Variants in PPFIA2 observed in about 807,000 individuals in gnomAD.
PPFIA2 encodes PPFI scaffold protein A2.
Under a neutral mutation model 175.5 loss-of-function variants are expected in PPFIA2, and 46 were observed. That is an observed-to-expected ratio of 0.26 (90% CI 0.21 to 0.34). The LOEUF (loss-of-function observed/expected upper bound fraction) is 0.34. Among genes scored for constraint, PPFIA2 ranks in the 10% least tolerant of loss-of-function variants. The pLI is 1.00. For missense variants in PPFIA2, 1,179 were observed against 1,506.1 expected, an observed-to-expected ratio of 0.78 and a Z score of 3.60; for synonymous variants, 568 against 511.4, an observed-to-expected ratio of 1.11 and a Z score of -1.49.
intron 4 of PPFIA2, among the ~76,000 whole-genome samples, chr12:81,664,034 A>C (rs1019784250): frequency 6.6e-5 from 10 of 152,202 alleles, no homozygotes; most frequent in African/African-American, 1.7e-4. Flanking sequence ...ATACAAAAAT[A>C]AATTCAACAT....
chr12:81,593,782 CT>C (rs1214243711), intron 4 of PPFIA2, among the ~76,000 whole-genome samples: 6 of 152,220 alleles, frequency 3.9e-5, no homozygotes, highest in South Asian at 4.1e-4. Context: ...ATGCAAACAA[CT>C]TTTTTAGGAA....
intron 4 of PPFIA2, among the ~76,000 whole-genome samples, chr12:81,667,809 G>A (rs2070642050): frequency 6.6e-6 from 1 of 151,928 alleles, no homozygotes; most frequent in Non-Finnish European, 1.5e-5. Context: ...CAAAATTTAA[G>A]TTACTTATTT....
chr12:81,539,543 C>T (rs1014018052), intron 4 of PPFIA2, among the ~76,000 whole-genome samples: 10 of 151,968 alleles, frequency 6.6e-5, no homozygotes, highest in Non-Finnish European at 1.0e-4. Flanking sequence ...AAACCTCTTA[C>T]CCCACCCATG....
Position 81,635,503 on chromosome 12 carries a change from C to G in PPFIA2, c.303+41288G>C, listed in dbSNP as rs534833892. 2.0e-5 allele frequency among the ~76,000 whole-genome samples: 3 copies of G among 152,264 alleles called. No individual in the cohort carries two copies. In the East Asian group the frequency reaches 5.8e-4, roughly 29 times the overall value. On this transcript the variant is annotated intron_variant, in intron 4 of 32. Coordinates refer to ENST00000549396, the MANE Select transcript of PPFIA2 (RefSeq NM_003625.5). ...GTGCAAGAATGTCTGTAGCCTCAACCAGGAAATCATGAAATGACCTCACAC... is the reference window on the plus strand; with the variant it reads ...GTGCAAGAATGTCTGTAGCCTCAACGAGGAAATCATGAAATGACCTCACAC...
chr12:81,277,654 C>A (rs1013697021), intron 27 of PPFIA2, among the ~76,000 whole-genome samples: 2 of 152,098 alleles, frequency 1.3e-5, no homozygotes, highest in African/African-American at 4.8e-5. Context: ...GTTTTAAAAT[C>A]ATCATGGATT....
intron 3 of PPFIA2, among the ~76,000 whole-genome samples, chr12:81,711,350 AC>A (rs997310451): frequency 3.3e-5 from 5 of 151,484 alleles, no homozygotes; most frequent in African/African-American, 1.2e-4. Flanking sequence ...ACACACATAC[AC>A]ATAGAAACAC....
At chr12:81,309,527 AT>A (rs2050196984) in intron 22 of PPFIA2, among the ~76,000 whole-genome samples, 1 of 152,112 alleles carries the variant, frequency 6.6e-6, no homozygotes, top group Admixed American at 6.5e-5. Flanking sequence ...GATTTTGTGT[AT>A]GTGCAAGTGC....
intron 4 of PPFIA2, among the ~76,000 whole-genome samples, chr12:81,482,824 G>A (rs2058392893): frequency 6.6e-6 from 1 of 151,974 alleles, no homozygotes; most frequent in Non-Finnish European, 1.5e-5. Context: ...AACCACCATG[G>A]CACATGTGTA....
At chr12:81,751,948 T>C (rs940278707) in intron 3 of PPFIA2, among the ~76,000 whole-genome samples, 1 of 152,136 alleles carries the variant, frequency 6.6e-6, no homozygotes, top group African/African-American at 2.4e-5. Context: ...CATTTAAAAA[T>C]CCAAATTACT....
intron 3 of PPFIA2, among the ~76,000 whole-genome samples, chr12:81,688,794 G>A (rs10082748): frequency 0.014 from 1,020 of 72,464 alleles, 10 homozygotes; most frequent in African/African-American, 0.053. Context: ...AGGGCAAGTG[G>A]TTTATTAAAT....
chr12:81,510,929 C>T lies in PPFIA2; in HGVS notation c.304-53063G>A, dbSNP rs1374302072. The stretch of plus-strand genomic sequence containing the variant: ...GGCTGATGTGCAACTAATTAGAAAA[C>T]ATTCTAATTAGTTTTCTTTATAGTT... On this transcript the variant is annotated intron_variant, in intron 4 of 32. Coordinates refer to ENST00000549396, the MANE Select transcript of PPFIA2 (RefSeq NM_003625.5). Among the ~76,000 whole-genome samples the T allele has an allele frequency of 2.6e-5, 4 of 152,118 alleles. No homozygotes were observed. In the South Asian group the frequency reaches 6.2e-4, roughly 24 times the overall value.
chr12:81,642,806 TGTATTAC>T (rs2065450409), intron 4 of PPFIA2, among the ~76,000 whole-genome samples: 2 of 25,994 alleles, frequency 7.7e-5, no homozygotes, highest in African/African-American at 4.0e-4. Flanking sequence ...TATGTATGTA[TGTATTAC>T]ATACATGTAT....
chr12:81,542,713 C>A (rs541916612), intron 4 of PPFIA2, among the ~76,000 whole-genome samples: 3 of 152,088 alleles, frequency 2.0e-5, no homozygotes, highest in Admixed American at 2.0e-4. Flanking sequence ...TTTCTATGTT[C>A]CTTTGAGATA....
intron 7 of PPFIA2, among the ~76,000 whole-genome samples, chr12:81,428,814 G>A (rs1427987076): frequency 1.3e-5 from 2 of 151,938 alleles, no homozygotes; most frequent in Admixed American, 6.6e-5. Context: ...CCCAATAAGT[G>A]GGTCTTTTGG....
At chr12:81,416,644 C>A (rs1484457134) in intron 7 of PPFIA2, among the ~76,000 whole-genome samples, 1 of 151,790 alleles carries the variant, frequency 6.6e-6, no homozygotes, top group African/African-American at 2.4e-5. Context: ...CTTCTTTGTA[C>A]AGAATGGAGG....
intron 4 of PPFIA2, 95 bp downstream of exon 4, chr12:81,676,696 C>A: frequency 2.5e-6 from 2 of 793,478 alleles, no homozygotes; most frequent in Non-Finnish European, 1.8e-6. Flanking sequence ...AAAGTACCTG[C>A]ATATGACAAA....
At chr12:81,401,471 C>T (rs1157624498) in intron 8 of PPFIA2, among the ~76,000 whole-genome samples, 1 of 152,174 alleles carries the variant, frequency 6.6e-6, no homozygotes, top group African/African-American at 2.4e-5. Context: ...CATTGCCTCT[C>T]TGACACCCCT....
chr12:81,278,893 C>T (rs1196094672), intron 27 of PPFIA2, among the ~76,000 whole-genome samples: 2 of 152,172 alleles, frequency 1.3e-5, no homozygotes, highest in Non-Finnish European at 2.9e-5. Context: ...TTGCTAGATG[C>T]ATTTCTAAGC....
rs2041968461 is a variant in PPFIA2, at chr12:81,400,746, C to G, written c.762+5041G>C. Among the ~76,000 whole-genome samples, 3 of 152,102 alleles carry G rather than the reference C, an allele frequency of 2.0e-5. No individual in the cohort carries two copies. In the South Asian group the frequency reaches 6.2e-4, roughly 31 times the overall value. On this transcript the variant is annotated intron_variant, in intron 8 of 32. Coordinates refer to ENST00000549396, the MANE Select transcript of PPFIA2 (RefSeq NM_003625.5). ...TAAAAAAGGAAGCTTTAACTTAGTT[C>G]ACTTAGTAATTAAGCTCAAAGTGGG...
Sources: allele counts gnomAD v4.1 joint callset (sites outside exome capture counted in the v4.1 genomes callset), GRCh38; gene constraint gnomAD v4.1.1; transcripts MANE v1.5; gene names NCBI Gene and HGNC (gene_info 2026-07-23, HGNC 2026-07-21).